The following NBAS variants were observed in gnomAD, a reference collection of about 807,000 sequenced individuals.
NBAS encodes NAG/BC035112 fusion.
A neutral mutation model predicts 302.5 loss-of-function variants in NBAS; 219 were observed. The ratio of observed to expected loss-of-function variants is 0.72; its 90% CI spans 0.65 to 0.81. The LOEUF is 0.81. Among genes scored for constraint, NBAS ranks in the 30% least tolerant of loss-of-function variants. The probability of loss-of-function intolerance (pLI) is 0.00; values close to 1 mark genes in which losing one functional copy is unlikely to be tolerated. For missense variants in NBAS, 2,932 were observed against 2,841.6 expected (o/e 1.03, Z -0.72); for synonymous variants, 1,118 against 1,021.6 (o/e 1.09, Z -1.80).
At chr2:14,979,225 T>A in the NBAS span, among the ~76,000 whole-genome samples, 3 of 152,216 alleles carry the variant, frequency 2.0e-5, no homozygotes, top group Non-Finnish European at 4.4e-5. Context: ...TTCTGCATTA[T>A]GAGAAGCAAA....
At chr2:14,857,202 T>A in the NBAS span, among the ~76,000 whole-genome samples, 1 of 152,116 alleles carries the variant, frequency 6.6e-6, no homozygotes. Context: ...AAATAGTCCA[T>A]GTTCATGAAT....
the NBAS span, among the ~76,000 whole-genome samples, chr2:14,933,721 G>C: frequency 6.6e-6 from 1 of 152,268 alleles, no homozygotes; most frequent in South Asian, 2.1e-4. Context: ...AAGGCATGAT[G>C]ATACGTGAGC....
chr2:15,090,044 G>A, the NBAS span, among the ~76,000 whole-genome samples: 40 of 152,096 alleles, frequency 2.6e-4, no homozygotes, highest in Admixed American at 4.6e-4. Context: ...CACCGTGCCC[G>A]GCCTGGTCAA....
At chr2:14,899,662 G>C in the NBAS span, among the ~76,000 whole-genome samples, 21 of 152,108 alleles carry the variant, frequency 1.4e-4, no homozygotes, top group East Asian at 3.9e-3. Flanking sequence ...AATTTAACTT[G>C]GAACTGGTTG....
intron 16 of NBAS, 136 bp downstream of exon 16, chr2:15,473,086 C>A (rs1680025933): frequency 1.0e-6 from 1 of 996,906 alleles, no homozygotes; most frequent in Non-Finnish European, 1.5e-6. Flanking sequence ...ACCATTTTTC[C>A]AGCTGAGAAA....
At chr2:14,844,901 G>A in the NBAS span, among the ~76,000 whole-genome samples, 1 of 152,196 alleles carries the variant, frequency 6.6e-6, no homozygotes, top group Non-Finnish European at 1.5e-5. Flanking sequence ...AAAATGCTAA[G>A]TAGACTTCTA....
At chr2:15,398,367 C>T (rs1387964045) in intron 26 of NBAS, among the ~76,000 whole-genome samples, 3 of 152,078 alleles carry the variant, frequency 2.0e-5, no homozygotes, top group Admixed American at 6.6e-5. Flanking sequence ...CTGGTCTCAA[C>T]TGATTCTCCC....
At chr2:14,976,206 T>C in the NBAS span, among the ~76,000 whole-genome samples, 1 of 152,164 alleles carries the variant, frequency 6.6e-6, no homozygotes, top group African/African-American at 2.4e-5. Context: ...TTCCAGCCTT[T>C]AGTGCAGGAA....
intron 5 of NBAS, 120 bp from the exon 6 acceptor site, chr2:15,551,656 G>T: frequency 1.5e-6 from 1 of 680,554 alleles, no homozygotes. Flanking sequence ...TCTCCTCTCA[G>T]ACATGGTTTT....
intron 6 of NBAS, among the ~76,000 whole-genome samples, chr2:15,540,211 C>A (rs1048647266): frequency 2.0e-5 from 3 of 152,114 alleles, no homozygotes; most frequent in African/African-American, 4.8e-5. Context: ...GAGTAGGAGA[C>A]TCAAGGTGTC....
Position 15,234,538 on chromosome 2 carries a change from A to G in NBAS, c.6146+7T>C. ...AGTTTTTCCACAATGACCACTTTCT[A>G]GCTTACCTCAATGCAGAAATTATTT... On this transcript the variant is annotated splice_region_variant and intron_variant, in intron 46 of 51. Coordinates refer to ENST00000281513, the MANE Select transcript of NBAS (RefSeq NM_015909.4). 1 of 1,613,094 alleles carries G rather than the reference A, an allele frequency of 6.2e-7. No individual in the cohort carries two copies. The highest frequency in any genetic ancestry group is 8.5e-7 in the Non-Finnish European group (1 of 1,179,862).
At chr2:15,556,068 A>C (rs2148716318) in intron 3 of NBAS, among the ~76,000 whole-genome samples, 1 of 152,288 alleles carries the variant, frequency 6.6e-6, no homozygotes, top group Admixed American at 6.5e-5. Context: ...AGAAATTGTA[A>C]ATATGCATAC....
the NBAS span, among the ~76,000 whole-genome samples, chr2:15,064,783 A>G: frequency 6.6e-6 from 1 of 152,156 alleles, no homozygotes; most frequent in African/African-American, 2.4e-5. Context: ...AAACAGAACA[A>G]AACAAAACAA....
rs377507905 is a variant in NBAS at position 15,508,820 on chromosome 2, A to G, written c.885+2392T>C. On this transcript the variant is annotated intron_variant, in intron 10 of 51. Coordinates refer to ENST00000281513, the MANE Select transcript of NBAS (RefSeq NM_015909.4). ...GGAGTTCAAGATCAGCCTGGCCAAC[A>G]TGGGGAAATCCCTTCTCTACTAAAA... Among the ~76,000 whole-genome samples the G allele has an allele frequency of 1.8e-3, 274 of 152,206 alleles. 5 individuals carry two copies. The South Asian group carries it at 0.049, about 27-fold the overall frequency.
intron 45 of NBAS, among the ~76,000 whole-genome samples, chr2:15,235,920 T>C (rs1352414859): frequency 6.6e-6 from 1 of 152,200 alleles, no homozygotes; most frequent in Non-Finnish European, 1.5e-5. Context: ...TGAGGCTCTG[T>C]AGGATGAAAG....
the NBAS span, among the ~76,000 whole-genome samples, chr2:14,978,447 A>G: frequency 6.6e-6 from 1 of 152,186 alleles, no homozygotes; most frequent in Non-Finnish European, 1.5e-5. Flanking sequence ...ATTAGTAGAG[A>G]CTAACTAATC....
chr2:15,086,456 G>A, the NBAS span, among the ~76,000 whole-genome samples: 1 of 152,222 alleles, frequency 6.6e-6, no homozygotes, highest in African/African-American at 2.4e-5. Flanking sequence ...ACCAAACGGT[G>A]AGGCTAAAAG....
chr2:15,299,971 A>G (rs772977947), intron 40 of NBAS, among the ~76,000 whole-genome samples: 16 of 152,222 alleles, frequency 1.1e-4, no homozygotes, highest in Non-Finnish European at 1.8e-4. Flanking sequence ...AAATACTAGA[A>G]GAGAAAATTC....
chr2:15,184,226 C>T (rs914532810), intron 50 of NBAS, among the ~76,000 whole-genome samples: 8 of 152,016 alleles, frequency 5.3e-5, no homozygotes, highest in African/African-American at 9.7e-5. Context: ...CCCTATAGGT[C>T]GTTTTGGCCC....
Sources: gnomAD v4.1 joint callset for allele counts (sites outside exome capture counted in the v4.1 genomes callset) on GRCh38, gnomAD v4.1.1 for gene constraint, MANE v1.5 for transcripts, NCBI Gene and HGNC (gene_info 2026-07-23, HGNC 2026-07-21) for gene names.